RAPGEF4: variants seen among roughly 807,000 people sequenced by gnomAD.
The protein encoded by RAPGEF4 is RAP guanine-nucleotide-exchange factor (GEF) 4.
A neutral mutation model predicts 147.9 loss-of-function variants in RAPGEF4; 66 were observed. The ratio of observed to expected loss-of-function variants is 0.45; its 90% CI spans 0.37 to 0.55. The LOEUF (loss-of-function observed/expected upper bound fraction) is 0.55. Ranked by LOEUF, RAPGEF4 falls within the 20% of genes least tolerant of loss-of-function variation. The pLI is 0.00. For synonymous variants in RAPGEF4, 419 were observed against 442.7 expected (o/e 0.95, Z 0.67); for missense variants, 1,071 against 1,257.3 (o/e 0.85, Z 2.24).
intron 1 of RAPGEF4, among the ~76,000 whole-genome samples, chr2:172,755,314 C>T (rs895380179): frequency 6.6e-6 from 1 of 152,160 alleles, no homozygotes; most frequent in Admixed American, 6.5e-5. Flanking sequence ...TAAAATCTTA[C>T]TAAATTCAGC....
At chr2:172,989,441 G>A (rs1415414267) in intron 14 of RAPGEF4, among the ~76,000 whole-genome samples, 4 of 151,936 alleles carry the variant, frequency 2.6e-5, no homozygotes, top group Non-Finnish European at 4.4e-5. Flanking sequence ...ACATTGGCAG[G>A]CAGGTGAATA....
intron 4 of RAPGEF4, among the ~76,000 whole-genome samples, chr2:172,850,268 T>G (rs1414259355): frequency 4.6e-5 from 7 of 152,194 alleles, no homozygotes; most frequent in Admixed American, 2.6e-4. Flanking sequence ...AAATCATTAC[T>G]TTTAAATGTC....
intron 6 of RAPGEF4, among the ~76,000 whole-genome samples, chr2:172,939,847 C>T (rs1448581893): frequency 6.7e-6 from 1 of 149,754 alleles, no homozygotes; most frequent in Admixed American, 6.7e-5. Context: ...GCATATGGGC[C>T]ATCCAGTTTT....
intron 1 of RAPGEF4, among the ~76,000 whole-genome samples, chr2:172,743,370 C>T (rs1451450): frequency 0.06 from 9,172 of 152,232 alleles, 967 homozygotes; most frequent in African/African-American, 0.21. Context: ...CACCCTCTTG[C>T]TTCCCCTGCC....
intron 4 of RAPGEF4, among the ~76,000 whole-genome samples, chr2:172,916,795 A>G (rs934403915): frequency 2.6e-5 from 4 of 152,234 alleles, no homozygotes; most frequent in African/African-American, 4.8e-5. Flanking sequence ...GGTTGCCCCA[A>G]TACTGCGTGC....
intron 4 of RAPGEF4, among the ~76,000 whole-genome samples, chr2:172,829,605 T>C (rs1158648600): frequency 6.6e-6 from 1 of 152,186 alleles, no homozygotes; most frequent in Admixed American, 6.5e-5. Flanking sequence ...TATCTTTTTA[T>C]GTAGATTGAC....
chr2:172,931,376 G>A (rs1685956989), intron 6 of RAPGEF4, among the ~76,000 whole-genome samples: 1 of 152,270 alleles, frequency 6.6e-6, no homozygotes, highest in South Asian at 2.1e-4. Flanking sequence ...TGTGGGTTCT[G>A]GTGTAAGTGG....
intron 1 of RAPGEF4, among the ~76,000 whole-genome samples, chr2:172,745,776 A>G (rs1694713521): frequency 6.6e-6 from 1 of 152,164 alleles, no homozygotes; most frequent in Admixed American, 6.5e-5. Flanking sequence ...GAGAAGAACA[A>G]TTAATCAAGC....
Position 172,838,862 on chromosome 2 carries a change from A to G in RAPGEF4, c.444+24437A>G, listed in dbSNP as rs558502520. On this transcript the variant is annotated intron_variant, in intron 4 of 30. Transcript: ENST00000397081. The stretch of plus-strand genomic sequence containing the variant: ...ATGAAACGCGTTAGAGAAAACCAAA[A>G]CCTATTTATTTGAACCATATGTTGT... 2.0e-5 allele frequency among the ~76,000 whole-genome samples: 3 copies of G among 152,156 alleles called. No individual in the cohort carries two copies. The East Asian group carries it at 5.8e-4, about 29-fold the overall frequency.
chr2:172,768,032 G>A (rs1038744144), intron 1 of RAPGEF4, among the ~76,000 whole-genome samples: 2 of 151,912 alleles, frequency 1.3e-5, no homozygotes, highest in Non-Finnish European at 2.9e-5. Flanking sequence ...GGCTGGTCTC[G>A]AACTCCTGAC....
chr2:172,913,787 A>G (rs930232325), intron 4 of RAPGEF4, among the ~76,000 whole-genome samples: 1 of 152,218 alleles, frequency 6.6e-6, no homozygotes, highest in African/African-American at 2.4e-5. Flanking sequence ...ATAGAGAAGA[A>G]CATCAACCGT....
At chr2:172,795,454 C>T (rs1422474018) in intron 2 of RAPGEF4, among the ~76,000 whole-genome samples, 2 of 152,136 alleles carry the variant, frequency 1.3e-5, no homozygotes, top group Non-Finnish European at 2.9e-5. Context: ...TTTAGAAATT[C>T]ACATAATTGT....
At chr2:172,831,367 C>A (rs907181933) in intron 4 of RAPGEF4, among the ~76,000 whole-genome samples, 1 of 137,326 alleles carries the variant, frequency 7.3e-6, no homozygotes, top group Non-Finnish European at 1.5e-5. Context: ...CTCCCGGGTT[C>A]AAGCAATTCT....
chr2:173,043,214 T>A (rs1684984137), intron 29 of RAPGEF4, among the ~76,000 whole-genome samples: 1 of 152,226 alleles, frequency 6.6e-6, no homozygotes, highest in Admixed American at 6.5e-5. Context: ...ACAAAGGTCC[T>A]ATATTTGATA....
At chr2:172,928,169 G>A (rs1321649058) in intron 6 of RAPGEF4, 1 of 454,302 alleles carries the variant, frequency 2.2e-6, no homozygotes, top group Admixed American at 2.4e-5. Context: ...CATGTTGAAG[G>A]TGCCAAGAAC....
At chr2:172,825,516 C>CT (rs954225106) in intron 4 of RAPGEF4, among the ~76,000 whole-genome samples, 20 of 151,940 alleles carry the variant, frequency 1.3e-4, no homozygotes, top group African/African-American at 3.9e-4. Flanking sequence ...TTTATTATCT[C>CT]TTTTTTTTAC....
At chr2:172,989,709 C>T (rs527462574) in intron 14 of RAPGEF4, among the ~76,000 whole-genome samples, 22 of 152,250 alleles carry the variant, frequency 1.4e-4, no homozygotes, top group Admixed American at 1.4e-3. Flanking sequence ...TGGTCCTTCC[C>T]GCCCTAGCTT....
chr2:172,949,786 G>A (rs184936501), intron 6 of RAPGEF4, among the ~76,000 whole-genome samples: 278 of 152,320 alleles, frequency 1.8e-3, no homozygotes, highest in African/African-American at 6.4e-3. Context: ...ATAAACTGAT[G>A]TTTGCACAGG....
chr2:173,026,712 C>A lies in RAPGEF4; in HGVS notation c.2379+15C>A. 1.9e-6 allele frequency: 3 copies of A among 1,612,858 alleles called. No homozygotes were observed. In the South Asian group the frequency reaches 3.3e-5, roughly 18 times the overall value. ...GCGTGCATGAGGTAAGATGCAGGAT[C>A]AGATGTGTTAGTAGCTGAGATAGCA... On this transcript the variant is annotated intron_variant, in intron 24 of 30. Transcript: ENST00000397081.
Sources: gnomAD v4.1 joint callset for allele counts (sites outside exome capture counted in the v4.1 genomes callset) on GRCh38, gnomAD v4.1.1 for gene constraint, MANE v1.5 for transcripts, NCBI Gene and HGNC (gene_info 2026-07-23, HGNC 2026-07-21) for gene names.